The following ZNF292 variants were observed in gnomAD, a reference collection of about 807,000 sequenced individuals.
The protein encoded by ZNF292 is 16 zinc-finger domain protein.
In ZNF292, 26 loss-of-function variants were observed where a neutral mutation model predicts 217.9. The ratio of observed to expected loss-of-function variants is 0.12; its 90% CI spans 0.09 to 0.17. The LOEUF is 0.17. ZNF292 is among the 10% of genes least tolerant of loss of function. The probability of loss-of-function intolerance (pLI) is 1.00; values close to 1 mark genes in which losing one functional copy is unlikely to be tolerated. For synonymous variants in ZNF292, 1,257 were observed against 1,124.1 expected, an observed-to-expected ratio of 1.12 and a Z score of -2.37; for missense variants, 2,904 against 3,175.2, an observed-to-expected ratio of 0.91 and a Z score of 2.05.
chr6:87,158,454 G>A (rs1770616897), intron 1 of ZNF292, among the ~76,000 whole-genome samples: 2 of 152,110 alleles, frequency 1.3e-5, no homozygotes, highest in East Asian at 3.9e-4. Flanking sequence ...TGGGCGGATC[G>A]CTTGAGCCTG....
intron 1 of ZNF292, among the ~76,000 whole-genome samples, chr6:87,172,536 AAAC>A (rs755675584): frequency 2.0e-5 from 3 of 152,168 alleles, no homozygotes; most frequent in Non-Finnish European, 2.9e-5. Flanking sequence ...ATTCTAAGTT[AAAC>A]AATAGAAGTA....
intron 7 of ZNF292, among the ~76,000 whole-genome samples, chr6:87,251,279 T>C (rs559139306): frequency 6.6e-6 from 1 of 152,324 alleles, no homozygotes; most frequent in East Asian, 1.9e-4. Flanking sequence ...ACATGGTAAT[T>C]ATTTAAAGAG....
chr6:87,217,310 A>C (rs1468783083), intron 3 of ZNF292, among the ~76,000 whole-genome samples: 1 of 152,082 alleles, frequency 6.6e-6, no homozygotes, highest in Non-Finnish European at 1.5e-5. Context: ...GGTGGAATTC[A>C]TATCTTATTT....
rs112774234 is a variant in ZNF292, at chr6:87,178,120, T to C, written c.168+22361T>C. Reference sequence around the variant, plus strand: ...GTAAGGCTATTCAAATTCTACATTTTCATTAGGCCTTCCTATGCTACTAAA... The same window carrying C: ...GTAAGGCTATTCAAATTCTACATTTCCATTAGGCCTTCCTATGCTACTAAA... On this transcript the variant is annotated intron_variant, in intron 1 of 7. Coordinates refer to ENST00000369577, the MANE Select transcript of ZNF292 (RefSeq NM_015021.3). 3.6e-3 allele frequency among the ~76,000 whole-genome samples: 556 copies of C among 152,336 alleles called. 2 individuals are homozygous for C. The highest frequency in any genetic ancestry group is 0.013 in the African/African-American group (535 of 41,570).
chr6:87,203,954 C>T (rs1364041380), intron 1 of ZNF292, among the ~76,000 whole-genome samples: 1 of 152,140 alleles, frequency 6.6e-6, no homozygotes, highest in Non-Finnish European at 1.5e-5. Context: ...AGGGCAGACA[C>T]TACTTTAATC....
rs559709416 is a variant in ZNF292, at chr6:87,188,207, A to G, written c.169-27696A>G. Among the ~76,000 whole-genome samples the G allele has an allele frequency of 1.1e-4, 16 of 152,262 alleles. No homozygotes were observed. The South Asian group carries it at 2.9e-3, about 28-fold the overall frequency. ...TAGTGAGTTTTGATTCTTTAATTCTACCGTGGTCTCTGTGCTTTCATCATT... is the reference window on the plus strand; with the variant it reads ...TAGTGAGTTTTGATTCTTTAATTCTGCCGTGGTCTCTGTGCTTTCATCATT... On this transcript the variant is annotated intron_variant, in intron 1 of 7. Coordinates refer to ENST00000369577, the MANE Select transcript of ZNF292 (RefSeq NM_015021.3).
At chr6:87,183,946 A>G (rs1771552432) in intron 1 of ZNF292, among the ~76,000 whole-genome samples, 1 of 152,240 alleles carries the variant, frequency 6.6e-6, no homozygotes. Context: ...CCAGAGAGCC[A>G]AGATCTCAAG....
intron 1 of ZNF292, among the ~76,000 whole-genome samples, chr6:87,210,532 T>G (rs1184124370): frequency 2.6e-5 from 4 of 151,806 alleles, no homozygotes; most frequent in Non-Finnish European, 4.4e-5. Context: ...CCTTAAAGAA[T>G]GAGGTGAGGC....
chr6:87,233,767 T>A (rs1773766746), intron 5 of ZNF292: 1 of 589,516 alleles, frequency 1.7e-6, no homozygotes, highest in African/African-American at 2.0e-5. Flanking sequence ...TTGGCTAAAT[T>A]GTGGGAAAGA....
intron 1 of ZNF292, among the ~76,000 whole-genome samples, chr6:87,194,845 T>C (rs146538029): frequency 1.1e-3 from 165 of 152,160 alleles, no homozygotes; most frequent in African/African-American, 3.7e-3. Flanking sequence ...AAAATCCTTA[T>C]AACAAAACAG....
intron 4 of ZNF292, among the ~76,000 whole-genome samples, chr6:87,224,835 A>C (rs1373344863): frequency 6.6e-6 from 1 of 152,184 alleles, no homozygotes; most frequent in East Asian, 1.9e-4. Flanking sequence ...AAACATGTGC[A>C]TGCAGGTTTT....
intron 1 of ZNF292, among the ~76,000 whole-genome samples, chr6:87,204,774 G>C (rs1772197194): frequency 6.6e-6 from 1 of 151,732 alleles, no homozygotes; most frequent in Admixed American, 6.6e-5. Context: ...ATGTTGGCCA[G>C]GCTGGTCTCG....
At chr6:87,225,659 T>C (rs1773310718) in intron 4 of ZNF292, among the ~76,000 whole-genome samples, 1 of 152,226 alleles carries the variant, frequency 6.6e-6, no homozygotes, top group Non-Finnish European at 1.5e-5. Context: ...TAAACTCTTA[T>C]TCAGGATTAC....
chr6:87,159,302 A>T (rs1770641981), intron 1 of ZNF292, among the ~76,000 whole-genome samples: 1 of 152,102 alleles, frequency 6.6e-6, no homozygotes, highest in Admixed American at 6.5e-5. Flanking sequence ...CTTAAAGCTT[A>T]AGTGGGAGGA....
Position 87,258,441 on chromosome 6 carries a change from T to C in ZNF292, c.4812T>C (p.Ser1604=). Residue 1604 remains serine (S), a synonymous_variant, in exon 8 of 8, where the codon TCT becomes TCC. Transcript: ENST00000369577. Reference sequence around the variant, plus strand: ...CACAAAATTTTACCAGTAACAGTTCTCGTGTTTCTGTTATAAGTGGTCCTC... The same window carrying C: ...CACAAAATTTTACCAGTAACAGTTCCCGTGTTTCTGTTATAAGTGGTCCTC... ...GPSQNFTSNS[S]RVSVISGPQN... 6.2e-7 allele frequency: 1 copy of C among 1,613,708 alleles called. No homozygotes were observed. Among genetic ancestry groups the C allele is most frequent in the Non-Finnish European group, 8.5e-7 (1 of 1,179,782 alleles).
At chr6:87,246,551 A>G (rs539804002) in intron 7 of ZNF292, among the ~76,000 whole-genome samples, 1 of 152,310 alleles carries the variant, frequency 6.6e-6, no homozygotes, top group South Asian at 2.1e-4. Flanking sequence ...CTACACAGGG[A>G]CAGGAGATAG....
chr6:87,203,105 T>G lies in ZNF292; in HGVS notation c.169-12798T>G, dbSNP rs1005620109. On this transcript the variant is annotated intron_variant, in intron 1 of 7. Transcript: ENST00000369577. ...TAATTTCCCCCCTTAAAATCTGTTA[T>G]TAGAGTGAATTACATTAATATATTT... Among the ~76,000 whole-genome samples, 4 of 151,234 alleles carry G rather than the reference T, an allele frequency of 2.6e-5. No homozygotes were observed. In the South Asian group the frequency reaches 8.3e-4, roughly 32 times the overall value.
intron 1 of ZNF292, among the ~76,000 whole-genome samples, chr6:87,174,518 T>G (rs1197067062): frequency 6.6e-6 from 1 of 152,194 alleles, no homozygotes; most frequent in East Asian, 1.9e-4. Flanking sequence ...GGAGTTAAAG[T>G]GTAGTTCTCT....
In ZNF292 at chr6:87,255,542, A is replaced by G. The variant is rs1348129428; in HGVS notation, c.1913A>G (p.Asn638Ser). ...AKQEQRPIKKNSLYSTDFIVF... is the reference protein window; with the variant it reads ...AKQEQRPIKKSSLYSTDFIVF... The stretch of plus-strand genomic sequence containing the variant: ...CAGGAGCAGCGACCTATAAAAAAGA[A>G]TAGTCTCTATTCAACAGATTTTATA... Residue 638 changes from asparagine to serine, a missense_variant, in exon 8 of 8, where the codon AAT (asparagine) becomes AGT (serine). Physicochemically the swap from Asn to Ser is conservative, Grantham distance 46. Around this residue, in one of 15 missense-constraint regions of ZNF292, gnomAD observed 216 missense variants for 308.3 expected, o/e 0.70. Coordinates refer to ENST00000369577, the MANE Select transcript of ZNF292 (RefSeq NM_015021.3). 1 of 1,611,696 alleles carries G rather than the reference A, an allele frequency of 6.2e-7. No individual in the cohort carries two copies.
Sources: gnomAD v4.1 joint callset for allele counts (sites outside exome capture counted in the v4.1 genomes callset) on GRCh38, gnomAD v4.1.1 for gene constraint, gnomAD v4.1.1 regional missense constraint, MANE v1.5 for transcripts, NCBI Gene and HGNC (gene_info 2026-07-23, HGNC 2026-07-21) for gene names.